STK36: variants seen among roughly 807,000 people sequenced by gnomAD.
STK36 encodes the protein serine/threonine kinase 36, also known as serine/threonine-protein kinase 36.
A neutral mutation model predicts 142.2 loss-of-function variants in STK36; 116 were observed. The ratio of observed to expected loss-of-function variants is 0.82; its 90% confidence interval spans 0.70 to 0.95. The LOEUF is 0.95. Among genes scored for constraint, STK36 ranks in the 40% least tolerant of loss-of-function variants. STK36 has a pLI of 0.00. For synonymous variants in STK36, 619 were observed against 641.7 expected, an observed-to-expected ratio of 0.96 and a Z score of 0.53; for missense variants, 1,422 against 1,617.2, an observed-to-expected ratio of 0.88 and a Z score of 2.07.
At chr2:218,676,417 C>T (rs1033476363) in intron 6 of STK36, 139 bp downstream of exon 6, 20 of 1,179,150 alleles carry the variant, frequency 1.7e-5, no homozygotes, top group Admixed American at 2.6e-5. Context: ...ATTCTGTTCT[C>T]GCATTGCTAT....
intron 14 of STK36, among the ~76,000 whole-genome samples, chr2:218,691,645 C>T (rs1941001807): frequency 6.6e-6 from 1 of 152,088 alleles, no homozygotes; most frequent in South Asian, 2.1e-4. Context: ...AACCTCCACC[C>T]TCCGGGCTCA....
intron 2 of STK36, 146 bp downstream of exon 2, chr2:218,673,059 A>G: frequency 3.0e-6 from 2 of 674,434 alleles, no homozygotes; most frequent in Non-Finnish European, 4.8e-6. Flanking sequence ...TAAGCTTTGA[A>G]GTTGGATTAT....
chr2:218,693,409 AG>A, intron 17 of STK36, 65 bp downstream of exon 17: 1 of 1,469,382 alleles, frequency 6.8e-7, no homozygotes, highest in Non-Finnish European at 9.4e-7. Flanking sequence ...AGAGAAGCAG[AG>A]AAACAGACCA....
Position 218,702,042 on chromosome 2 carries a change from G to T in STK36, c.*33G>T. On this transcript the variant is annotated 3_prime_UTR_variant, in exon 27 of 27. Coordinates refer to ENST00000295709, the MANE Select transcript of STK36 (RefSeq NM_015690.5). ...TTCCTGCGGTCCAGCCTCCAACTTT[G>T]GTTGCCAGCTCTTTCTTATTCTACT... The T allele has an allele frequency of 6.2e-7, 1 of 1,610,012 alleles. No individual in the cohort carries two copies. Among genetic ancestry groups the T allele is most frequent in the East Asian group, 2.2e-5 (1 of 44,790 alleles).
chr2:218,680,799 A>G (rs1157230661), intron 10 of STK36, 97 bp downstream of exon 10: 4 of 950,148 alleles, frequency 4.2e-6, no homozygotes, highest in Non-Finnish European at 6.4e-6. Context: ...CTCCCTAAGT[A>G]TGAGCTCCCT....
chr2:218,676,290 T>C lies in STK36; in HGVS notation c.684+12T>C, dbSNP rs770040776. ...GTCCCTGCTTTAAGGTAATGAATAT[T>C]GAAAGGGAGATGACTTTTACATTAG... On this transcript the variant is annotated intron_variant, in intron 6 of 26. Transcript: ENST00000295709. 5.0e-6 allele frequency: 8 copies of C among 1,613,406 alleles called. No individual in the cohort carries two copies. Among genetic ancestry groups the C allele is most frequent in the Non-Finnish European group, 6.8e-6 (8 of 1,179,472 alleles).
At chr2:218,698,263 A>G (rs1401416855) in intron 25 of STK36, among the ~76,000 whole-genome samples, 1 of 152,152 alleles carries the variant, frequency 6.6e-6, no homozygotes, top group East Asian at 1.9e-4. Context: ...ATCCTAGTCT[A>G]GGCACTGAAG....
At position 218,702,147 on chromosome 2, in the gene STK36, A is replaced by G. The variant is rs1256490782; in HGVS notation, c.*138A>G. The stretch of plus-strand genomic sequence containing the variant: ...CCAACTCAACTGAGAACAAGAAACT[A>G]GAAGAGATTTATATATAAAGCTTCT... On this transcript the variant is annotated 3_prime_UTR_variant, in exon 27 of 27. Transcript: ENST00000295709. 5 of 1,081,588 alleles carry G rather than the reference A, an allele frequency of 4.6e-6. No individual in the cohort carries two copies. The highest frequency in any genetic ancestry group is 6.4e-6 in the Non-Finnish European group (5 of 775,952). 67.0% of individuals were successfully genotyped at this position (1,081,588 alleles called of 1,614,324 possible).
At chr2:218,683,476 T>C (rs1173057676) in intron 10 of STK36, among the ~76,000 whole-genome samples, 2 of 152,102 alleles carry the variant, frequency 1.3e-5, no homozygotes, top group African/African-American at 2.4e-5. Flanking sequence ...GGTTTCACCA[T>C]GTTGTTCAGG....
chr2:218,702,262 C>T lies in STK36; in HGVS notation c.*253C>T. ...GTCCTTTCTTCTCTACATCCAGGGG[C>T]CTTTTCTCCAATAATGTGCCTTTAA... On this transcript the variant is annotated 3_prime_UTR_variant, in exon 27 of 27. Transcript: ENST00000295709. The T allele has an allele frequency of 2.7e-6, 1 of 375,098 alleles. No individual in the cohort carries two copies. Among genetic ancestry groups the T allele is most frequent in the South Asian group, 5.8e-5 (1 of 17,134 alleles). 23.2% of individuals were successfully genotyped at this position (375,098 alleles called of 1,614,324 possible). A position where few individuals can be genotyped will look rare whatever the true frequency, so the allele number is the denominator to read the frequency against.
At chr2:218,693,159 G>A in intron 16 of STK36, 81 bp from the exon 17 acceptor site, 1 of 1,202,458 alleles carries the variant, frequency 8.3e-7, no homozygotes, top group Non-Finnish European at 1.2e-6. Context: ...GAGACTGAGA[G>A]TCCTGATCAT....
At position 218,679,059 on chromosome 2, in the gene STK36, C is replaced by T. The variant is rs1940381985; in HGVS notation, c.685-109C>T. 6.9e-6 allele frequency: 7 copies of T among 1,010,916 alleles called. No individual in the cohort carries two copies. In the South Asian group the frequency reaches 1.0e-4, roughly 15 times the overall value. The allele number at this position is 1,010,916 out of a possible 1,614,324, so 62.6% of individuals were successfully genotyped here. On this transcript the variant is annotated intron_variant, in intron 6 of 26. Transcript: ENST00000295709. Reference sequence around the variant, plus strand: ...TTAGAGGGCATGATCAAGAGCAGCTCATCTGCTGTGAGGATGGATGTGGGA... The same window carrying T: ...TTAGAGGGCATGATCAAGAGCAGCTTATCTGCTGTGAGGATGGATGTGGGA...
In STK36 at chr2:218,694,627, C is replaced by T; in HGVS notation, c.2503C>T (p.Pro835Ser). The stretch of plus-strand genomic sequence containing the variant: ...TGCAGCCACACATGCCTTGTCTGCC[C>T]CTGCAGAGGTGAGGCCCCCCAGGGA... ...MAAATHALSA[P>S]AEVRLTPPGS... Residue 835 changes from proline to serine, a missense_variant, in exon 21 of 27, where the codon CCT (proline) becomes TCT (serine). Around this residue, in one of 2 missense-constraint regions of STK36, gnomAD observed 962 missense variants for 1,167.5 expected, o/e 0.82. Transcript: ENST00000295709. The surrounding 1 kb of genome is among the most constrained non-coding windows in gnomAD (Gnocchi z 4.4). The T allele has an allele frequency of 1.2e-6, 2 of 1,614,090 alleles. No homozygotes were observed. Among genetic ancestry groups the T allele is most frequent in the Non-Finnish European group, 1.7e-6 (2 of 1,179,942 alleles).
chr2:218,689,030 C>T (rs916951565), intron 12 of STK36, among the ~76,000 whole-genome samples, 154 bp downstream of exon 12: 3 of 152,154 alleles, frequency 2.0e-5, no homozygotes, highest in African/African-American at 4.8e-5. Flanking sequence ...ACTCTAATGC[C>T]TTCTGGGGCC....
rs779098997 is a variant in STK36, at chr2:218,697,620, A to C, written c.2909+10A>C. ...ATCAACTGCGCCAGGCGTGAGTTTG[A>C]GCTAGAAGAGAGCCACAGAGTCAGC... On this transcript the variant is annotated intron_variant, in intron 24 of 26. Coordinates refer to ENST00000295709, the MANE Select transcript of STK36 (RefSeq NM_015690.5). 36 of 1,613,780 alleles carry C rather than the reference A, an allele frequency of 2.2e-5. 1 individual carries two copies. The South Asian group carries it at 3.8e-4, about 17-fold the overall frequency.
intron 13 of STK36, 40 bp downstream of exon 13, chr2:218,689,996 CTTCTGT>C: frequency 6.5e-7 from 1 of 1,533,138 alleles, no homozygotes; most frequent in South Asian, 1.2e-5. Context: ...GCAAGTTTGG[CTTCTGT>C]TTCTACCCCA....
intron 10 of STK36, among the ~76,000 whole-genome samples, chr2:218,683,169 G>A (rs1171394897): frequency 6.6e-6 from 1 of 152,102 alleles, no homozygotes; most frequent in Non-Finnish European, 1.5e-5. Context: ...GACTATAGTG[G>A]TGCAATCATG....
At position 218,685,078 on chromosome 2, in the gene STK36, G is replaced by T; in HGVS notation, c.1237-7G>T. ...CTCCTGACCCCTTTCACTCCCCTCT[G>T]CCTCAGGAGCCAGACAGTGACAATG... is the stretch of plus-strand genomic sequence containing the variant. On this transcript the variant is annotated splice_polypyrimidine_tract_variant and splice_region_variant and intron_variant, in intron 10 of 26. Transcript: ENST00000295709. The T allele has an allele frequency of 6.2e-7, 1 of 1,613,966 alleles. No homozygotes were observed. Among genetic ancestry groups the T allele is most frequent in the Non-Finnish European group, 8.5e-7 (1 of 1,179,924 alleles).
chr2:218,680,740 A>G, intron 10 of STK36, 38 bp downstream of exon 10: 2 of 1,561,518 alleles, frequency 1.3e-6, no homozygotes, highest in Non-Finnish European at 1.7e-6. Flanking sequence ...TGTCTCTTTC[A>G]TGGGATGTTA....
Sources: gnomAD v4.1 joint callset for allele counts (sites outside exome capture counted in the v4.1 genomes callset) on GRCh38, gnomAD v4.1.1 for gene constraint, gnomAD v4.1.1 regional missense constraint, Gnocchi (gnomAD v3.1) non-coding constraint, MANE v1.5 for transcripts, NCBI Gene and HGNC (gene_info 2026-07-23, HGNC 2026-07-21) for gene names.